Variants in PLEKHM3 observed in about 807,000 individuals in gnomAD.
PLEKHM3 encodes pleckstrin homology domain-containing family M member 3.
Under a neutral mutation model 81.8 loss-of-function variants are expected in PLEKHM3, and 45 were observed. The observed-to-expected ratio is 0.55, with a 90% CI of 0.43 to 0.71. The LOEUF (loss-of-function observed/expected upper bound fraction) is 0.71. Among genes scored for constraint, PLEKHM3 ranks in the 30% least tolerant of loss-of-function variants. The pLI is 0.00. For missense variants in PLEKHM3, 788 were observed against 924.3 expected (o/e 0.85, Z 1.91); for synonymous variants, 352 against 356.4 (o/e 0.99, Z 0.14).
chr2:208,008,601 G>T (rs952280138), intron 1 of PLEKHM3, among the ~76,000 whole-genome samples: 9 of 150,366 alleles, frequency 6.0e-5, no homozygotes, highest in Admixed American at 2.6e-4. Context: ...CCACTCAATT[G>T]AACTTCTCTT....
intron 2 of PLEKHM3, among the ~76,000 whole-genome samples, chr2:207,985,987 C>CAAA (rs35964669): frequency 8.3e-6 from 1 of 120,888 alleles, no homozygotes; most frequent in Non-Finnish European, 1.7e-5. Flanking sequence ...GACTCCGTCT[C>CAAA]AAAAAAAAAA....
At chr2:207,923,901 A>T (rs1309663254) in intron 5 of PLEKHM3, among the ~76,000 whole-genome samples, 6,085 of 71,196 alleles carry the variant, frequency 0.085, 384 homozygotes, top group Non-Finnish European at 0.13. Flanking sequence ...ATATATATAT[A>T]TATATTTTTT....
intron 7 of PLEKHM3, among the ~76,000 whole-genome samples, chr2:207,840,314 A>G (rs1392944166): frequency 6.6e-6 from 1 of 152,048 alleles, no homozygotes; most frequent in Non-Finnish European, 1.5e-5. Flanking sequence ...CCTCCCAAGT[A>G]TTAACAGCTA....
chr2:207,839,455 G>C (rs1559202159), intron 7 of PLEKHM3, among the ~76,000 whole-genome samples: 1 of 152,164 alleles, frequency 6.6e-6, no homozygotes, highest in Non-Finnish European at 1.5e-5. Flanking sequence ...TTAAATAAAA[G>C]ACCTAAAGTG....
intron 1 of PLEKHM3, among the ~76,000 whole-genome samples, chr2:208,009,530 A>G (rs558546657): frequency 2.0e-5 from 3 of 152,334 alleles, no homozygotes; most frequent in African/African-American, 7.2e-5. Context: ...TTGGTATTTC[A>G]TATCTCTAAG....
chr2:207,996,579 AAAAC>A (rs1016611454), intron 2 of PLEKHM3, among the ~76,000 whole-genome samples: 1 of 152,198 alleles, frequency 6.6e-6, no homozygotes, highest in Non-Finnish European at 1.5e-5. Flanking sequence ...AAAGAAAAGA[AAAAC>A]AAATAGGTAA....
chr2:207,901,185 G>C, intron 6 of PLEKHM3: 1 of 694,230 alleles, frequency 1.4e-6, no homozygotes. Context: ...TTCTGATCTG[G>C]CTTCCACAAA....
chr2:207,859,378 T>A (rs1228217900), intron 7 of PLEKHM3, among the ~76,000 whole-genome samples: 1 of 151,988 alleles, frequency 6.6e-6, no homozygotes, highest in East Asian at 1.9e-4. Context: ...TCTCAGGTGA[T>A]CTGCCTGCCT....
chr2:207,872,316 T>C (rs2092538724), intron 6 of PLEKHM3, among the ~76,000 whole-genome samples: 1 of 152,224 alleles, frequency 6.6e-6, no homozygotes, highest in Non-Finnish European at 1.5e-5. Context: ...AGCCCAGGTT[T>C]AGATCCACAG....
In PLEKHM3 at chr2:208,001,304, C is replaced by G. The variant is rs1375747236; in HGVS notation, c.336G>C (p.Lys112Asn). ...TPDNLSWMEQ[K>N]EASTFNFFNI... ...TGAAGAAATTAAAGGTTGATGCTTC[C>G]TTTTGTTCCATCCAGGAAAGATTAT... is the stretch of plus-strand genomic sequence containing the variant. The change falls in exon 2 of 8, where the codon AAG (lysine) becomes AAC (asparagine). Residue 112 changes from lysine to asparagine, a missense_variant. By Grantham distance (94) the Lys-to-Asn change is moderately conservative. Coordinates refer to ENST00000427836, the MANE Select transcript of PLEKHM3 (RefSeq NM_001080475.3). 1 of 1,614,062 alleles carries G rather than the reference C, an allele frequency of 6.2e-7. No homozygotes were observed. Among genetic ancestry groups the G allele is most frequent in the Non-Finnish European group, 8.5e-7 (1 of 1,180,032 alleles).
chr2:207,899,551 G>C (rs568267377), intron 6 of PLEKHM3, among the ~76,000 whole-genome samples: 45 of 152,274 alleles, frequency 3.0e-4, no homozygotes, highest in Non-Finnish European at 5.3e-4. Context: ...CACCCAGCGA[G>C]GGGCTTGGTG....
intron 6 of PLEKHM3, among the ~76,000 whole-genome samples, chr2:207,875,827 A>G (rs2092557296): frequency 6.6e-6 from 1 of 152,094 alleles, no homozygotes; most frequent in East Asian, 1.9e-4. Context: ...AAACAACAAC[A>G]ACAACAACAA....
In PLEKHM3 at chr2:207,832,099, G is replaced by T. The variant is rs191846842; in HGVS notation, c.2109-3603C>A. Among the ~76,000 whole-genome samples, 675 of 152,326 alleles carry T rather than the reference G, an allele frequency of 4.4e-3. 3 individuals are homozygous for T. The highest frequency in any genetic ancestry group is 6.9e-3 in the Non-Finnish European group (471 of 68,034). On this transcript the variant is annotated intron_variant, in intron 7 of 7. Coordinates refer to ENST00000427836, the MANE Select transcript of PLEKHM3 (RefSeq NM_001080475.3). ...TTCTGGTGCAGCAAACACCCATGGGGTGATGGAAGAGCTGAGCGCACCTGC... is the reference window on the plus strand; with the variant it reads ...TTCTGGTGCAGCAAACACCCATGGGTTGATGGAAGAGCTGAGCGCACCTGC...
Position 207,827,088 on chromosome 2 carries a change from G to A in PLEKHM3, c.*1231C>T, listed in dbSNP as rs1232935335. ...TTCAAGGTGGCAATTATATATGTGT[G>A]TGTATATATATATATTTATTTAAAT... is the stretch of plus-strand genomic sequence containing the variant. On this transcript the variant is annotated 3_prime_UTR_variant, in exon 8 of 8. Coordinates refer to ENST00000427836, the MANE Select transcript of PLEKHM3 (RefSeq NM_001080475.3). 1.3e-5 allele frequency: 2 copies of A among 151,788 alleles called. No homozygotes were observed. The highest frequency in any genetic ancestry group is 2.9e-5 in the Non-Finnish European group (2 of 67,988). 9.4% of individuals were successfully genotyped at this position (151,788 alleles called of 1,614,324 possible).
At chr2:208,022,150 C>T (rs1336920985) in intron 1 of PLEKHM3, among the ~76,000 whole-genome samples, 1 of 152,178 alleles carries the variant, frequency 6.6e-6, no homozygotes, top group African/African-American at 2.4e-5. Context: ...GTGTGCATCC[C>T]TCCTAGCATT....
intron 5 of PLEKHM3, among the ~76,000 whole-genome samples, chr2:207,925,066 A>G (rs926431875): frequency 1.3e-5 from 2 of 152,126 alleles, no homozygotes; most frequent in African/African-American, 4.8e-5. Flanking sequence ...GTGAGTGGGC[A>G]AAAGGGAAAT....
At chr2:207,907,585 T>C (rs913446918) in intron 6 of PLEKHM3, among the ~76,000 whole-genome samples, 8 of 152,218 alleles carry the variant, frequency 5.3e-5, no homozygotes, top group Non-Finnish European at 1.2e-4. Context: ...TGTTATGTTT[T>C]ACTAAACTTT....
chr2:207,829,206 C>T (rs1292910797), intron 7 of PLEKHM3, among the ~76,000 whole-genome samples: 2 of 152,042 alleles, frequency 1.3e-5, no homozygotes, highest in African/African-American at 4.8e-5. Flanking sequence ...GTGGATGACT[C>T]ATTTGTTGTT....
chr2:207,837,632 CTTTTTTT>C (rs756408346), intron 7 of PLEKHM3, among the ~76,000 whole-genome samples: 1 of 106,006 alleles, frequency 9.4e-6, no homozygotes, highest in South Asian at 3.3e-4. Flanking sequence ...ATAGTTCTCC[CTTTTTTT>C]TTTTTTTTTT....
Sources: allele counts gnomAD v4.1 joint callset (sites outside exome capture counted in the v4.1 genomes callset), GRCh38; gene constraint gnomAD v4.1.1; transcripts MANE v1.5; gene names NCBI Gene and HGNC (gene_info 2026-07-23, HGNC 2026-07-21).